Variants in CNTFR observed in about 807,000 individuals in gnomAD.
The protein encoded by CNTFR is ciliary neurotrophic factor receptor.
CNTFR carries 12 observed loss-of-function variants against 40.4 expected under a neutral mutation model. That is an observed-to-expected ratio of 0.30 (90% confidence interval 0.19 to 0.48). The LOEUF is 0.48. CNTFR is among the 20% of genes least tolerant of loss of function. The pLI, the probability that CNTFR is intolerant of heterozygous loss-of-function variation, is 0.99. For missense variants in CNTFR, 414 were observed against 506.8 expected, an observed-to-expected ratio of 0.82 and a Z score of 1.76; for synonymous variants, 202 against 209.6, an observed-to-expected ratio of 0.96 and a Z score of 0.31.
At chr9:34,574,674 G>A (rs577671642) in intron 2 of CNTFR, among the ~76,000 whole-genome samples, 19 of 152,362 alleles carry the variant, frequency 1.2e-4, no homozygotes, top group African/African-American at 4.6e-4. Flanking sequence ...TGGGGGGGTT[G>A]GTATCCGCAC....
chr9:34,554,473 A>G (rs1825757539), intron 7 of CNTFR, among the ~76,000 whole-genome samples: 1 of 152,092 alleles, frequency 6.6e-6, no homozygotes, highest in Non-Finnish European at 1.5e-5. Flanking sequence ...GTTATCAGTG[A>G]TCCCTTCATC....
chr9:34,560,780 G>A (rs1436627483), intron 4 of CNTFR, among the ~76,000 whole-genome samples: 1 of 152,258 alleles, frequency 6.6e-6, no homozygotes, highest in East Asian at 1.9e-4. Flanking sequence ...CTGTGGCAGG[G>A]TGTCCCTGGG....
rs756608563 is a variant in CNTFR at position 34,552,874 on chromosome 9, T to TG, written c.769-21dup. 6 of 1,605,524 alleles carry TG rather than the reference T, an allele frequency of 3.7e-6. No individual in the cohort carries two copies. The Admixed American group carries it at 8.4e-5, about 22-fold the overall frequency. On this transcript the variant is annotated intron_variant, in intron 7 of 9. Transcript: ENST00000378980. The surrounding 1 kb of genome is among the most constrained non-coding windows in gnomAD (Gnocchi z 5.1). The stretch of plus-strand genomic sequence containing the variant: ...CTCCACCTGCAGCCAGACCATGGGG[T>TG]GGGGGTAAGGACACACCTGGGGGCC...
At chr9:34,553,969 T>C (rs1825736838) in intron 7 of CNTFR, among the ~76,000 whole-genome samples, 1 of 151,796 alleles carries the variant, frequency 6.6e-6, no homozygotes. Context: ...TGTGAGTGCA[T>C]GCACACGTGT....
intron 1 of CNTFR, among the ~76,000 whole-genome samples, chr9:34,588,605 T>G (rs1246226568): frequency 1.3e-5 from 2 of 152,034 alleles, no homozygotes; most frequent in Non-Finnish European, 2.9e-5. Flanking sequence ...ACACAGACGC[T>G]TCTCAAAAAG....
intron 1 of CNTFR, among the ~76,000 whole-genome samples, chr9:34,584,661 C>T (rs1001645846): frequency 3.9e-5 from 6 of 152,190 alleles, no homozygotes; most frequent in South Asian, 4.1e-4. Flanking sequence ...TCCATTCCCC[C>T]GAGGGAATTT....
At chr9:34,563,458 G>A (rs778681208) in intron 4 of CNTFR, among the ~76,000 whole-genome samples, 1 of 152,190 alleles carries the variant, frequency 6.6e-6, no homozygotes, top group Non-Finnish European at 1.5e-5. Flanking sequence ...AACCTCAGTC[G>A]CCAAGAGGCA....
intron 4 of CNTFR, among the ~76,000 whole-genome samples, chr9:34,560,902 C>A (rs187417090): frequency 1.3e-5 from 2 of 152,332 alleles, no homozygotes; most frequent in East Asian, 3.9e-4. Context: ...CCCACCAAAC[C>A]GCATGTTTTT....
chr9:34,571,226 A>C (rs1305269058), intron 2 of CNTFR: 1 of 152,336 alleles, frequency 6.6e-6, no homozygotes, highest in East Asian at 1.9e-4. Context: ...AGCTGGTGTA[A>C]GAGAGAGAAA....
intron 2 of CNTFR, among the ~76,000 whole-genome samples, chr9:34,573,942 G>T (rs751130865): frequency 6.6e-6 from 1 of 152,252 alleles, no homozygotes; most frequent in Non-Finnish European, 1.5e-5. Context: ...ACAGGGACAA[G>T]GACATGGTGG....
In CNTFR at chr9:34,557,802, G is replaced by C. The variant is rs956123138; in HGVS notation, c.437+65C>G. 1.3e-6 allele frequency: 2 copies of C among 1,545,056 alleles called. No homozygotes were observed. The highest frequency in any genetic ancestry group is 2.7e-5 in the African/African-American group (2 of 73,626). On this transcript the variant is annotated intron_variant, in intron 5 of 9. Coordinates refer to ENST00000378980, the MANE Select transcript of CNTFR (RefSeq NM_147164.3). The surrounding 1 kb of genome is among the most constrained non-coding windows in gnomAD (Gnocchi z 4.2). ...GGGCTGGGGTATGGACAGAGGGCAT[G>C]GTGGTGGGATGGGGGAGAGGTCAGA...
chr9:34,577,650 G>GC (rs147372328), intron 2 of CNTFR, among the ~76,000 whole-genome samples: 67,782 of 151,828 alleles, frequency 0.45, 16,650 homozygotes, highest in East Asian at 0.58. Context: ...TCTCTCTGTA[G>GC]CCCCCCTTCC....
At chr9:34,564,954 CTG>C in intron 3 of CNTFR, 122 bp from the exon 4 acceptor site, 1 of 764,258 alleles carries the variant, frequency 1.3e-6, no homozygotes, top group Non-Finnish European at 2.2e-6. Context: ...GGCTCGGTGT[CTG>C]TGTGAGTGTT....
intron 2 of CNTFR, among the ~76,000 whole-genome samples, chr9:34,576,410 G>A (rs1318986711): frequency 1.3e-5 from 2 of 152,098 alleles, no homozygotes; most frequent in East Asian, 3.9e-4. Context: ...GCCCCCAGTC[G>A]CCCTTGGCCT....
At position 34,557,549 on chromosome 9, in the gene CNTFR, A is replaced by G. The variant is rs1825898302; in HGVS notation, c.581T>C (p.Ile194Thr). 2.5e-6 allele frequency: 4 copies of G among 1,614,048 alleles called. No individual in the cohort carries two copies. The South Asian group carries it at 4.4e-5, about 18-fold the overall frequency. Residue 194 changes from isoleucine (I) to threonine (T), a missense_variant, in exon 6 of 10, where the codon ATC becomes ACC. This residue lies in a region of CNTFR where 250 missense variants were observed against 269.5 expected (regional missense o/e 0.93). Coordinates refer to ENST00000378980, the MANE Select transcript of CNTFR (RefSeq NM_147164.3). This position sits in a 1 kb window ranked among gnomAD's most constrained non-coding sequence, Gnocchi z 4.2. ...SNALGHNATA[I>T]TFDEFTIVKP... ...ACCAATGGTGAACTCGTCAAAGGTGATAGCTGTGGCATTGTGGCCCAGGGC... is the reference window on the plus strand; with the variant it reads ...ACCAATGGTGAACTCGTCAAAGGTGGTAGCTGTGGCATTGTGGCCCAGGGC...
intron 7 of CNTFR, among the ~76,000 whole-genome samples, 175 bp downstream of exon 7, chr9:34,556,080 A>G (rs1201579225): frequency 1.3e-5 from 2 of 151,642 alleles, no homozygotes; most frequent in Non-Finnish European, 2.9e-5. Context: ...GGAACCCCTA[A>G]GGACACCTGC....
chr9:34,582,688 T>C (rs1827363869), intron 1 of CNTFR: 1 of 148,034 alleles, frequency 6.8e-6, no homozygotes, highest in Non-Finnish European at 1.5e-5. Flanking sequence ...AGACAGGTGG[T>C]TGATAGTGAC....
chr9:34,579,829 G>T (rs1230153099), intron 2 of CNTFR, among the ~76,000 whole-genome samples: 1 of 152,102 alleles, frequency 6.6e-6, no homozygotes, highest in Non-Finnish European at 1.5e-5. Flanking sequence ...TGGTGCTGGA[G>T]GTGCTGCTGG....
intron 2 of CNTFR, 152 bp from the exon 3 acceptor site, chr9:34,569,133 T>C (rs1826457864): frequency 1.5e-6 from 1 of 667,946 alleles, no homozygotes; most frequent in South Asian, 1.9e-5. Context: ...CCAACCCGAC[T>C]GACACGGAGT....
Sources: allele counts gnomAD v4.1 joint callset (sites outside exome capture counted in the v4.1 genomes callset), GRCh38; gene constraint gnomAD v4.1.1; regional missense constraint gnomAD v4.1.1; non-coding constraint Gnocchi (gnomAD v3.1); transcripts MANE v1.5; gene names NCBI Gene and HGNC (gene_info 2026-07-23, HGNC 2026-07-21).